Variants in HLTF observed in about 807,000 individuals in gnomAD.
HLTF encodes the protein helicase like transcription factor.
In HLTF, 127 loss-of-function variants were observed where a neutral mutation model predicts 129.4. The ratio of observed to expected loss-of-function variants is 0.98; its 90% CI spans 0.85 to 1.14. HLTF has a LOEUF of 1.14. Among genes scored for constraint, HLTF ranks in the 50% most tolerant of loss-of-function variants. The pLI, the probability that HLTF is intolerant of heterozygous loss-of-function variation, is 0.00. For missense variants in HLTF, 1,139 were observed against 1,187.1 expected, an observed-to-expected ratio of 0.96 and a Z score of 0.60; for synonymous variants, 332 against 388.8, an observed-to-expected ratio of 0.85 and a Z score of 1.72.
At chr3:149,050,690 G>A (rs904070874) in intron 14 of HLTF, among the ~76,000 whole-genome samples, 1 of 152,152 alleles carries the variant, frequency 6.6e-6, no homozygotes, top group African/African-American at 2.4e-5. Flanking sequence ...CTTTAATGCT[G>A]CATTAGTTAG....
At chr3:149,047,932 T>G in intron 17 of HLTF, 96 bp downstream of exon 17, 1 of 1,001,468 alleles carries the variant, frequency 1.0e-6, no homozygotes, top group South Asian at 2.1e-5. Context: ...AAGGAAAAGT[T>G]AAGAGTCAAG....
At chr3:149,044,675 TA>T (rs1243789611) in intron 18 of HLTF, among the ~76,000 whole-genome samples, 1 of 152,108 alleles carries the variant, frequency 6.6e-6, no homozygotes, top group Non-Finnish European at 1.5e-5. Context: ...GATCTTAGCT[TA>T]AAAAAATCTC....
chr3:149,064,950 T>C lies in HLTF; in HGVS notation c.991-84A>G. 3 of 738,616 alleles carry C rather than the reference T, an allele frequency of 4.1e-6. No homozygotes were observed. In the South Asian group the frequency reaches 6.3e-5, roughly 16 times the overall value. The allele number at this position is 738,616 out of a possible 1,614,324, so 45.8% of individuals were successfully genotyped here. A position where few individuals can be genotyped will look rare whatever the true frequency, so the allele number is the denominator to read the frequency against. On this transcript the variant is annotated intron_variant, in intron 8 of 24. Coordinates refer to ENST00000310053, the MANE Select transcript of HLTF (RefSeq NM_003071.4). ...TGCATCCTGTTTTATATTGCTTTACTTTGCATAATAAAAACGACTTAAATT... is the reference window on the plus strand; with the variant it reads ...TGCATCCTGTTTTATATTGCTTTACCTTGCATAATAAAAACGACTTAAATT...
intron 20 of HLTF, 149 bp downstream of exon 20, chr3:149,041,341 T>C (rs1352053417): frequency 2.2e-6 from 1 of 445,888 alleles, no homozygotes; most frequent in East Asian, 3.4e-5. Context: ...TTAGAAGAAA[T>C]ATATCACCTA....
chr3:149,063,770 A>G (rs996100456), intron 9 of HLTF, among the ~76,000 whole-genome samples: 4 of 152,050 alleles, frequency 2.6e-5, no homozygotes, highest in East Asian at 1.9e-4. Flanking sequence ...TCCCCACACT[A>G]GCTGAATGTC....
rs74394333 is a variant in HLTF, at chr3:149,036,767, T to A, written c.2797-1769A>T. 5.0e-3 allele frequency among the ~76,000 whole-genome samples: 764 copies of A among 151,942 alleles called. 7 individuals are homozygous for A. The highest frequency in any genetic ancestry group is 0.018 in the African/African-American group (735 of 41,442). On this transcript the variant is annotated intron_variant, in intron 23 of 24. Transcript: ENST00000310053. ...TGTCTCTTAAAAAAAGAAAAAAAAA[T>A]TTAATGGTAAAAGACTTTCATGAGC... is the stretch of plus-strand genomic sequence containing the variant.
At chr3:149,081,477 G>GT (rs1719869989) in intron 2 of HLTF, among the ~76,000 whole-genome samples, 1 of 151,880 alleles carries the variant, frequency 6.6e-6, no homozygotes, top group Non-Finnish European at 1.5e-5. Context: ...TAGAAAAACC[G>GT]AATGTAAGAG....
intron 10 of HLTF, among the ~76,000 whole-genome samples, chr3:149,061,330 G>C (rs1336116986): frequency 6.6e-6 from 1 of 151,978 alleles, no homozygotes; most frequent in African/African-American, 2.4e-5. Context: ...AGAATGACGT[G>C]AAGCCAGGAG....
chr3:149,042,028 A>G (rs2107968121), intron 19 of HLTF, 138 bp downstream of exon 19: 1 of 720,678 alleles, frequency 1.4e-6, no homozygotes, highest in East Asian at 2.5e-5. Context: ...ATGTATTCCT[A>G]GCTGAGTCTC....
At chr3:149,079,052 G>A (rs966223418) in intron 2 of HLTF, among the ~76,000 whole-genome samples, 3 of 152,076 alleles carry the variant, frequency 2.0e-5, no homozygotes, top group African/African-American at 7.2e-5. Context: ...CAGCGAAGCT[G>A]AAGATAGGTC....
rs1187446674 is a variant in HLTF at position 149,046,173 on chromosome 3, T to G, written c.1979A>C (p.Glu660Ala). ...AATGTGCTGAATAAATACTTTACGT[T>G]CTGGTAACTCCAAAACAGGTTTTCC... ...IKGKPVLELP[E>A]RKVFIQHITL... Residue 660 changes from glutamate to alanine, a missense_variant, in exon 18 of 25, where the codon GAA becomes GCA. Physicochemically the swap from Glu to Ala is moderately radical, Grantham distance 107 (BLOSUM62 -1). Transcript: ENST00000310053. The G allele has an allele frequency of 1.9e-6, 3 of 1,609,660 alleles. No homozygotes were observed. The Admixed American group carries it at 5.0e-5, about 27-fold the overall frequency.
chr3:149,077,251 T>C lies in HLTF; in HGVS notation c.229-1204A>G, dbSNP rs546776438. Among the ~76,000 whole-genome samples the C allele has an allele frequency of 8.4e-3, 429 of 50,890 alleles. 1 individual carries two copies. Among genetic ancestry groups the C allele is most frequent in the African/African-American group, 0.061 (410 of 6,724 alleles). 33.4% of individuals were successfully genotyped at this position (50,890 alleles called of 152,430 possible). A position where few individuals can be genotyped will look rare whatever the true frequency, so the allele number is the denominator to read the frequency against. ...GACAGAGCGAGACTTCATCTCAAAATAAATAAATAAATAAATAAATAAATA... is the reference window on the plus strand; with the variant it reads ...GACAGAGCGAGACTTCATCTCAAAACAAATAAATAAATAAATAAATAAATA... On this transcript the variant is annotated intron_variant, in intron 2 of 24. Transcript: ENST00000310053.
At chr3:149,033,838 T>TA (rs1475046234) in intron 24 of HLTF, among the ~76,000 whole-genome samples, 1 of 152,102 alleles carries the variant, frequency 6.6e-6, no homozygotes, top group African/African-American at 2.4e-5. Context: ...GGTAAGACCT[T>TA]AAAACCTAGA....
At chr3:149,071,764 G>C (rs367849095) in intron 5 of HLTF, 107 bp from the exon 6 acceptor site, 1 of 738,496 alleles carries the variant, frequency 1.4e-6, no homozygotes, top group Non-Finnish European at 2.2e-6. Flanking sequence ...AATGTCAAAC[G>C]GGCCAGGAGT....
intron 1 of HLTF, among the ~76,000 whole-genome samples, chr3:149,086,081 C>T (rs1720374249): frequency 6.6e-6 from 1 of 152,102 alleles, no homozygotes; most frequent in Admixed American, 6.5e-5. Flanking sequence ...CCCAGGCCCC[C>T]CACAGTCGGT....
At chr3:149,063,598 C>A in intron 9 of HLTF, 74 bp from the exon 10 acceptor site, 1 of 824,708 alleles carries the variant, frequency 1.2e-6, no homozygotes. Flanking sequence ...CTCTTAAAAC[C>A]TTGGTTTTCT....
In HLTF at chr3:149,041,577, G is replaced by A; in HGVS notation, c.2289C>T (p.Cys763=). Residue 763 remains cysteine (C), a synonymous_variant, in exon 20 of 25, where the codon TGC becomes TGT. Transcript: ENST00000310053. The part of the protein sequence containing the change: ...SSGSDEECAI[C]LDSLTVPVIT... ...TCACAGGAACTGTTAAAGAATCCAG[G>A]CAAATTGCACATTCCTCATCTGAAC... The A allele has an allele frequency of 3.1e-6, 5 of 1,612,202 alleles. No individual in the cohort carries two copies. In the African/African-American group the frequency reaches 4.0e-5, roughly 13 times the overall value.
chr3:149,084,781 G>C lies in HLTF; in HGVS notation c.129C>G (p.Ile43Met), dbSNP rs755860159. The C allele has an allele frequency of 6.2e-7, 1 of 1,613,966 alleles. No homozygotes were observed. The highest frequency in any genetic ancestry group is 1.7e-5 in the Admixed American group (1 of 60,026). ...CACTAGTTAGAAAGTCATCTGGAGG[G>C]ATAACATCTTGGAATTCAAAACGTG... Reference protein sequence around the residue: ...FFPRFEFQDVIPPDDFLTSDE... With the variant: ...FFPRFEFQDVMPPDDFLTSDE... The change falls in exon 2 of 25, where the codon ATC becomes ATG. Residue 43 changes from isoleucine (I) to methionine (M), a missense_variant. Transcript: ENST00000310053.
intron 18 of HLTF, among the ~76,000 whole-genome samples, chr3:149,043,549 A>AG (rs1310994939): frequency 1.1e-4 from 14 of 131,720 alleles, no homozygotes; most frequent in African/African-American, 4.3e-4. Flanking sequence ...TTCAGAGGGA[A>AG]AAAAAAAAAA....
Sources: allele counts gnomAD v4.1 joint callset (sites outside exome capture counted in the v4.1 genomes callset), GRCh38; gene constraint gnomAD v4.1.1; transcripts MANE v1.5; gene names NCBI Gene and HGNC (gene_info 2026-07-23, HGNC 2026-07-21).